Variants in NOTCH2NLR observed in about 807,000 individuals in gnomAD.
NOTCH2NLR encodes notch 2 N-terminal like R (pseudogene).
A neutral mutation model predicts 35.6 loss-of-function variants in NOTCH2NLR; 33 were observed. The ratio of observed to expected loss-of-function variants is 0.93; its 90% confidence interval spans 0.70 to 1.24. The LOEUF is 1.24. Ranked by LOEUF, NOTCH2NLR falls within the 50% of genes most tolerant of loss-of-function variation. The probability of loss-of-function intolerance (pLI) is 0.00; values close to 1 mark genes in which losing one functional copy is unlikely to be tolerated. For synonymous variants in NOTCH2NLR, 103 were observed against 141.0 expected, an observed-to-expected ratio of 0.73 and a Z score of 1.91; for missense variants, 276 against 362.2, an observed-to-expected ratio of 0.76 and a Z score of 1.93.
chr1:120,781,648 C>T (rs1384198712), intron 2 of NOTCH2NLR, among the ~76,000 whole-genome samples: 2 of 64,588 alleles, frequency 3.1e-5, no homozygotes, highest in Admixed American at 1.4e-4. Context: ...ACTGCAACCT[C>T]CAACTTCTGG....
In NOTCH2NLR at chr1:120,784,985, G is replaced by T. The variant is rs1307779299; in HGVS notation, c.167G>T (p.Gly56Val). 7 of 1,418,606 alleles carry T rather than the reference G, an allele frequency of 4.9e-6. 2 individuals carry two copies. The highest frequency in any genetic ancestry group is 5.4e-5 in the African/African-American group (2 of 37,096). The allele number at this position is 1,418,606 out of a possible 1,614,324, so 87.9% of individuals were successfully genotyped here. Reference sequence around the variant, plus strand: ...TCTTTTCCATACAGATGTCCAGAAGGCTTCTTGGGGGAATATTGTCAACAT... The same window carrying T: ...TCTTTTCCATACAGATGTCCAGAAGTCTTCTTGGGGGAATATTGTCAACAT... Residue 56 changes from glycine to valine, a missense_variant, in exon 3 of 5, where the codon GGC becomes GTC. Transcript: ENST00000624419.
rs1213666258 is a variant in NOTCH2NLR, at chr1:120,784,884, C to T, written c.156-90C>T. The T allele has an allele frequency of 1.5e-5, 16 of 1,032,610 alleles. 6 individuals are homozygous for T. Among genetic ancestry groups the T allele is most frequent in the Non-Finnish European group, 2.2e-5 (16 of 723,894 alleles). 64.0% of individuals were successfully genotyped at this position (1,032,610 alleles called of 1,614,324 possible). ...AGGTCTGTTGATTCACAATCTCGTGCTTTCTTGATTGGACTGTATTGTTTT... is the reference window on the plus strand; with the variant it reads ...AGGTCTGTTGATTCACAATCTCGTGTTTTCTTGATTGGACTGTATTGTTTT... On this transcript the variant is annotated intron_variant, in intron 2 of 4. Coordinates refer to ENST00000624419, the Ensembl canonical transcript of NOTCH2NLR.
In NOTCH2NLR at chr1:120,724,069, G is replaced by A. The variant is rs1650784630; in HGVS notation, c.-109G>A. On this transcript the variant is annotated 5_prime_UTR_variant, in exon 1 of 5. Coordinates refer to ENST00000624419, the Ensembl canonical transcript of NOTCH2NLR. ...CAGGGCCTGAGCCTTTGAAGCAGGAGGAGGGGAGGAGAGAGTGGGGCTCCT... is the reference window on the plus strand; with the variant it reads ...CAGGGCCTGAGCCTTTGAAGCAGGAAGAGGGGAGGAGAGAGTGGGGCTCCT... The A allele has an allele frequency of 1.9e-5, 25 of 1,295,724 alleles. 4 individuals are homozygous for A. The highest frequency in any genetic ancestry group is 3.3e-5 in the Admixed American group (1 of 30,540). The allele number at this position is 1,295,724 out of a possible 1,614,324, so 80.3% of individuals were successfully genotyped here. A position where few individuals can be genotyped will look rare whatever the true frequency, so the allele number is the denominator to read the frequency against.
rs1389020347 is a variant in NOTCH2NLR at position 120,737,751 on chromosome 1, G to A, written c.73+13501G>A. Among the ~76,000 whole-genome samples, 11 of 125,744 alleles carry A rather than the reference G, an allele frequency of 8.7e-5. 1 individual carries two copies. The highest frequency in any genetic ancestry group is 2.0e-4 in the East Asian group (1 of 5,056). 82.5% of individuals were successfully genotyped at this position (125,744 alleles called of 152,430 possible). ...TCATTAGTGATTCAGAATTGGATTA[G>A]CCTGGACTGGTGGAGTTACTTTCTC... On this transcript the variant is annotated intron_variant, in intron 1 of 4. Coordinates refer to ENST00000624419, the Ensembl canonical transcript of NOTCH2NLR.
intron 1 of NOTCH2NLR, among the ~76,000 whole-genome samples, chr1:120,745,901 CT>C (rs1412379477): frequency 1.9e-4 from 5 of 25,954 alleles, no homozygotes; most frequent in Non-Finnish European, 3.0e-4. Flanking sequence ...AGATGACTGA[CT>C]TTTTTTTTTT....
chr1:120,790,008 AC>A (rs1280914765), intron 3 of NOTCH2NLR, among the ~76,000 whole-genome samples: 1 of 61,860 alleles, frequency 1.6e-5, no homozygotes, highest in Admixed American at 1.7e-4. Flanking sequence ...GATTCTGATC[AC>A]CTTTTTTTTT....
chr1:120,737,831 A>C lies in NOTCH2NLR; in HGVS notation c.73+13581A>C, dbSNP rs1307524205. ...TTCCCTTGACAGTTTGCTTCTTCTC[A>C]AGTTTTGGCAGCCTTGAACAAGTGG... On this transcript the variant is annotated intron_variant, in intron 1 of 4. Transcript: ENST00000624419. Among the ~76,000 whole-genome samples the C allele has an allele frequency of 2.6e-5, 3 of 115,100 alleles. 1 individual carries two copies. The highest frequency in any genetic ancestry group is 4.1e-4 in the East Asian group (2 of 4,820). 75.5% of individuals were successfully genotyped at this position (115,100 alleles called of 152,430 possible).
chr1:120,785,127 C>T, exon 3 of NOTCH2NLR: 1 of 1,446,482 alleles, frequency 6.9e-7, no homozygotes, highest in Non-Finnish European at 9.2e-7. Flanking sequence ...ACTGCCAGTA[C>T]TCGACACCTC....
rs1400936784 is a variant in NOTCH2NLR at position 120,764,057 on chromosome 1, G to A, written c.155+348G>A. Among the ~76,000 whole-genome samples, 457 of 111,998 alleles carry A rather than the reference G, an allele frequency of 4.1e-3. 89 individuals carry two copies. The highest frequency in any genetic ancestry group is 5.0e-3 in the Non-Finnish European group (294 of 58,936). 73.5% of individuals were successfully genotyped at this position (111,998 alleles called of 152,430 possible). A position where few individuals can be genotyped will look rare whatever the true frequency, so the allele number is the denominator to read the frequency against. On this transcript the variant is annotated intron_variant, in intron 2 of 4. Transcript: ENST00000624419. ...AGGTCAGGAGTTCAAGATCAGCCTG[G>A]CCAACATAGTGAAACCCTATCTCTA...
Position 120,777,472 on chromosome 1 carries a change from A to C in NOTCH2NLR, c.156-7502A>C, listed in dbSNP as rs1651312139. On this transcript the variant is annotated intron_variant, in intron 2 of 4. Coordinates refer to ENST00000624419, the Ensembl canonical transcript of NOTCH2NLR. The stretch of plus-strand genomic sequence containing the variant: ...GTGTGTGTACGTGTGTGAGAGTGAG[A>C]GATTGTATACTTGTCTTTGTTTCTT... Among the ~76,000 whole-genome samples, 2 of 108,706 alleles carry C rather than the reference A, an allele frequency of 1.8e-5. 1 individual carries two copies. Among genetic ancestry groups the C allele is most frequent in the Non-Finnish European group, 3.4e-5 (2 of 58,140 alleles). 71.3% of individuals were successfully genotyped at this position (108,706 alleles called of 152,430 possible). A position where few individuals can be genotyped will look rare whatever the true frequency, so the allele number is the denominator to read the frequency against.
chr1:120,790,618 TTCTG>T (rs1379523751), intron 3 of NOTCH2NLR, among the ~76,000 whole-genome samples: 1 of 106,968 alleles, frequency 9.3e-6, no homozygotes, highest in Non-Finnish European at 1.7e-5. Context: ...CCCTCTCTCT[TTCTG>T]TCTTTCTTTC....
intron 2 of NOTCH2NLR, among the ~76,000 whole-genome samples, chr1:120,765,859 T>C (rs1651185417): frequency 8.2e-6 from 1 of 121,274 alleles, no homozygotes; most frequent in Non-Finnish European, 1.7e-5. Context: ...AAGCCATCAT[T>C]CTCAGCAAAC....
In NOTCH2NLR at chr1:120,785,037, C is replaced by A. The variant is rs1174011045; in HGVS notation, c.219C>A (p.Cys73Ter). The A allele has an allele frequency of 2.8e-6, 4 of 1,442,648 alleles. No individual in the cohort carries two copies. Among genetic ancestry groups the A allele is most frequent in the Middle Eastern group, 3.5e-4 (2 of 5,634 alleles). The allele number at this position is 1,442,648 out of a possible 1,614,324, so 89.4% of individuals were successfully genotyped here. ...GAGACCCCTGTGAGAAGAACCGCTG[C>A]CAGAATGGTGGGACTTGTGTGGCCC... Residue 73 changes from cysteine (C) to a stop codon, truncating the protein, a stop_gained, in exon 3 of 5, where the codon TGC becomes TGA. Transcript: ENST00000624419. LOFTEE classifies it high-confidence loss of function.
At chr1:120,790,338 T>C (rs1258747405) in intron 3 of NOTCH2NLR, among the ~76,000 whole-genome samples, 1 of 113,324 alleles carries the variant, frequency 8.8e-6, no homozygotes, top group Admixed American at 8.4e-5. Context: ...TTTATACATA[T>C]GCTATTTTTG....
chr1:120,793,647 A>T lies in NOTCH2NLR; in HGVS notation c.752-100A>T. ...GGGTTGCTAGTGAGGGAGGAGTTTT[A>T]TGGGCCCACTGTGGTCCATAAACTG... On this transcript the variant is annotated intron_variant, in intron 4 of 4. Coordinates refer to ENST00000624419, the Ensembl canonical transcript of NOTCH2NLR. The T allele has an allele frequency of 8.2e-6, 5 of 608,784 alleles. 2 individuals carry two copies. The highest frequency in any genetic ancestry group is 1.4e-5 in the Non-Finnish European group (5 of 344,950). 37.7% of individuals were successfully genotyped at this position (608,784 alleles called of 1,614,324 possible). A position where few individuals can be genotyped will look rare whatever the true frequency, so the allele number is the denominator to read the frequency against.
Position 120,768,254 on chromosome 1 carries a change from G to A in NOTCH2NLR, c.155+4545G>A, listed in dbSNP as rs1270373424. Among the ~76,000 whole-genome samples, 10 of 112,526 alleles carry A rather than the reference G, an allele frequency of 8.9e-5. 2 individuals are homozygous for A. Among genetic ancestry groups the A allele is most frequent in the African/African-American group, 1.6e-4 (3 of 18,460 alleles). The allele number at this position is 112,526 out of a possible 152,430, so 73.8% of individuals were successfully genotyped here. ...AGGGGTTCAGTGGAAAGTGTGAGGG[G>A]CCTACCAAGCCCTGAGGTGTTCATT... On this transcript the variant is annotated intron_variant, in intron 2 of 4. Coordinates refer to ENST00000624419, the Ensembl canonical transcript of NOTCH2NLR.
rs1650789530 is a variant in NOTCH2NLR, at chr1:120,724,279, G to T, written c.73+29G>T. On this transcript the variant is annotated intron_variant, in intron 1 of 4. Coordinates refer to ENST00000624419, the Ensembl canonical transcript of NOTCH2NLR. Reference sequence around the variant, plus strand: ...AGTATCGGGCTGAGGGGCGCTGTCCGCGGCGCCCGGGGCTGCCACCTGGGG... The same window carrying T: ...AGTATCGGGCTGAGGGGCGCTGTCCTCGGCGCCCGGGGCTGCCACCTGGGG... The T allele has an allele frequency of 1.1e-5, 15 of 1,377,650 alleles. 5 individuals carry two copies. In the Admixed American group the frequency reaches 3.2e-4, roughly 30 times the overall value. 85.3% of individuals were successfully genotyped at this position (1,377,650 alleles called of 1,614,324 possible). A position where few individuals can be genotyped will look rare whatever the true frequency, so the allele number is the denominator to read the frequency against.
intron 2 of NOTCH2NLR, among the ~76,000 whole-genome samples, chr1:120,764,106 G>T (rs1220697054): frequency 9.1e-6 from 1 of 110,432 alleles, no homozygotes; most frequent in East Asian, 2.1e-4. Context: ...AATTAGCCAG[G>T]TGTGGTGGCG....
intron 2 of NOTCH2NLR, among the ~76,000 whole-genome samples, chr1:120,764,267 T>A (rs1302485214): frequency 9.3e-6 from 1 of 107,364 alleles, no homozygotes; most frequent in African/African-American, 5.8e-5. Context: ...AAAAAAAATA[T>A]ATAAAAAAAT....
Sources: gnomAD v4.1 joint callset for allele counts (sites outside exome capture counted in the v4.1 genomes callset) on GRCh38, gnomAD v4.1.1 for gene constraint, MANE v1.5 for transcripts, NCBI Gene and HGNC (gene_info 2026-07-23, HGNC 2026-07-21) for gene names.